The following GPC5 variants were observed in gnomAD, a reference collection of about 807,000 sequenced individuals.
GPC5 encodes glypican-5.
Under a neutral mutation model 53.9 loss-of-function variants are expected in GPC5, and 47 were observed. The ratio of observed to expected loss-of-function variants is 0.87; its 90% CI spans 0.69 to 1.11. GPC5 has a LOEUF of 1.11. Ranked by LOEUF, GPC5 falls within the 50% of genes most tolerant of loss-of-function variation. GPC5 has a pLI of 0.00. For missense variants in GPC5, 748 were observed against 713.1 expected (o/e 1.05, Z -0.56); for synonymous variants, 286 against 263.3 (o/e 1.09, Z -0.84).
chr13:91,491,676 T>C (rs1425675384), intron 2 of GPC5, among the ~76,000 whole-genome samples: 1 of 152,154 alleles, frequency 6.6e-6, no homozygotes, highest in East Asian at 1.9e-4. Context: ...GACATTCCAC[T>C]CCTTGCCTCT....
intron 7 of GPC5, among the ~76,000 whole-genome samples, chr13:92,329,092 C>T (rs755019157): frequency 6.6e-6 from 1 of 152,042 alleles, no homozygotes; most frequent in Non-Finnish European, 1.5e-5. Flanking sequence ...GTACAGTATT[C>T]TAGAGGAGTC....
At chr13:92,447,852 C>T (rs1877893319) in intron 7 of GPC5, 2 of 152,100 alleles carry the variant, frequency 1.3e-5, no homozygotes, top group African/African-American at 4.8e-5. Flanking sequence ...ACTATGTATT[C>T]AAATGAAGCT....
At chr13:92,133,347 G>A (rs2041760008) in intron 6 of GPC5, among the ~76,000 whole-genome samples, 1 of 152,154 alleles carries the variant, frequency 6.6e-6, no homozygotes, top group Non-Finnish European at 1.5e-5. Flanking sequence ...TACTAAATGG[G>A]ATCAGAATGA....
intron 6 of GPC5, among the ~76,000 whole-genome samples, chr13:92,000,023 C>T (rs1410158021): frequency 1.3e-5 from 2 of 152,152 alleles, no homozygotes; most frequent in Non-Finnish European, 2.9e-5. Context: ...GCTTAATTCT[C>T]AAGAGCTTGT....
intron 7 of GPC5, among the ~76,000 whole-genome samples, chr13:92,698,927 G>T (rs1289343187): frequency 6.6e-6 from 1 of 152,060 alleles, no homozygotes; most frequent in Non-Finnish European, 1.5e-5. Flanking sequence ...GCCAGGTTTT[G>T]GTATCAGGAT....
At chr13:92,051,654 G>T (rs753045079) in intron 6 of GPC5, among the ~76,000 whole-genome samples, 6 of 152,198 alleles carry the variant, frequency 3.9e-5, no homozygotes, top group Non-Finnish European at 8.8e-5. Flanking sequence ...AGTGGCTTCA[G>T]CTGTTTAGGC....
At chr13:91,540,828 A>C (rs2029886454) in intron 2 of GPC5, among the ~76,000 whole-genome samples, 1 of 152,120 alleles carries the variant, frequency 6.6e-6, no homozygotes, top group African/African-American at 2.4e-5. Context: ...CCCAGATGAC[A>C]GCTGATTACA....
At chr13:91,551,449 T>TA (rs1174086351) in intron 2 of GPC5, among the ~76,000 whole-genome samples, 2 of 152,022 alleles carry the variant, frequency 1.3e-5, no homozygotes, top group African/African-American at 4.8e-5. Flanking sequence ...TTCCATAAAA[T>TA]AGAGTTGACA....
At chr13:91,638,825 T>C in intron 2 of GPC5, among the ~76,000 whole-genome samples, 1 of 152,246 alleles carries the variant, frequency 6.6e-6, no homozygotes, top group South Asian at 2.1e-4. Context: ...TACCTCAATG[T>C]CCTATTTTCT....
At chr13:92,551,323 A>C (rs1204269062) in intron 7 of GPC5, among the ~76,000 whole-genome samples, 1 of 151,780 alleles carries the variant, frequency 6.6e-6, no homozygotes, top group African/African-American at 2.4e-5. Context: ...GAGCGAAAAT[A>C]ATTAAATAAA....
chr13:91,421,490 C>A (rs1457591134), intron 1 of GPC5, among the ~76,000 whole-genome samples: 1 of 152,210 alleles, frequency 6.6e-6, no homozygotes, highest in South Asian at 2.1e-4. Context: ...CCTTCCTCAT[C>A]CTCCAAGTGA....
At chr13:91,533,475 A>G (rs1161013036) in intron 2 of GPC5, among the ~76,000 whole-genome samples, 2 of 152,236 alleles carry the variant, frequency 1.3e-5, no homozygotes, top group African/African-American at 4.8e-5. Flanking sequence ...TCTTTGAACT[A>G]AGATTTGGGA....
chr13:92,161,913 A>C (rs2041990552), intron 7 of GPC5, among the ~76,000 whole-genome samples: 1 of 146,172 alleles, frequency 6.8e-6, no homozygotes, highest in Non-Finnish European at 1.5e-5. Flanking sequence ...GCTAATTTTT[A>C]AGAATATAAA....
At position 92,286,771 on chromosome 13, in the gene GPC5, A is replaced by C. The variant is rs970367501; in HGVS notation, c.1561+141782A>C. Among the ~76,000 whole-genome samples the C allele has an allele frequency of 3.3e-5, 5 of 151,954 alleles. No homozygotes were observed. The South Asian group carries it at 6.2e-4, about 19-fold the overall frequency. ...GAGGGGGGAGGGATAGCAGTAGGAG[A>C]GATACCTAATGTAAATGATGAGTTA... On this transcript the variant is annotated intron_variant, in intron 7 of 7. Transcript: ENST00000377067.
chr13:92,330,594 ATTG>A (rs1399050896), intron 7 of GPC5, among the ~76,000 whole-genome samples: 3 of 152,172 alleles, frequency 2.0e-5, no homozygotes, highest in Admixed American at 2.0e-4. Context: ...GAATTGGAAA[ATTG>A]TTAAGAGAAT....
intron 3 of GPC5, among the ~76,000 whole-genome samples, chr13:91,723,649 G>A (rs1414869632): frequency 2.0e-5 from 3 of 151,550 alleles, no homozygotes; most frequent in African/African-American, 7.3e-5. Flanking sequence ...ACCATTCACT[G>A]CACTCATAAA....
chr13:92,076,954 A>G (rs1216264177), intron 6 of GPC5, among the ~76,000 whole-genome samples: 1 of 152,212 alleles, frequency 6.6e-6, no homozygotes, highest in Non-Finnish European at 1.5e-5. Flanking sequence ...ATAAGACTTC[A>G]GAAGAACCTT....
chr13:92,257,451 G>T (rs984976338), intron 7 of GPC5, among the ~76,000 whole-genome samples: 1 of 148,120 alleles, frequency 6.8e-6, no homozygotes, highest in Non-Finnish European at 1.5e-5. Flanking sequence ...TATGTTGAAA[G>T]AAAAATATAT....
At chr13:92,251,469 C>T (rs1354257251) in intron 7 of GPC5, among the ~76,000 whole-genome samples, 2 of 152,070 alleles carry the variant, frequency 1.3e-5, no homozygotes, top group Non-Finnish European at 2.9e-5. Context: ...TGTCTTCACT[C>T]TCAATATCTC....
Sources: gnomAD v4.1 joint callset for allele counts (sites outside exome capture counted in the v4.1 genomes callset) on GRCh38, gnomAD v4.1.1 for gene constraint, MANE v1.5 for transcripts, NCBI Gene and HGNC (gene_info 2026-07-23, HGNC 2026-07-21) for gene names.